CPNE8: variants seen among roughly 807,000 people sequenced by gnomAD.
The protein encoded by CPNE8 is copine-8.
Under a neutral mutation model 81.5 loss-of-function variants are expected in CPNE8, and 45 were observed. The ratio of observed to expected loss-of-function variants is 0.55; its 90% CI spans 0.44 to 0.71. CPNE8 has a LOEUF of 0.71. CPNE8 is among the 30% of genes least tolerant of loss of function. The pLI is 0.00. For synonymous variants in CPNE8, 252 were observed against 226.3 expected, an observed-to-expected ratio of 1.11 and a Z score of -1.02; for missense variants, 594 against 672.1, an observed-to-expected ratio of 0.88 and a Z score of 1.28.
intron 4 of CPNE8, among the ~76,000 whole-genome samples, chr12:38,843,873 G>A (rs1330490201): frequency 1.3e-5 from 2 of 151,992 alleles, no homozygotes; most frequent in Admixed American, 1.3e-4. Flanking sequence ...CCAGCTGAAG[G>A]GAGTGCAAGG....
At chr12:38,668,822 G>T (rs1310045820) in intron 19 of CPNE8, among the ~76,000 whole-genome samples, 1 of 152,034 alleles carries the variant, frequency 6.6e-6, no homozygotes, top group African/African-American at 2.4e-5. Context: ...GGCCGAGGCG[G>T]GCGGATCACA....
chr12:38,879,193 G>A (rs1944112331), intron 1 of CPNE8, among the ~76,000 whole-genome samples: 1 of 150,112 alleles, frequency 6.7e-6, no homozygotes, highest in Non-Finnish European at 1.5e-5. Context: ...TGGAGCCATA[G>A]TTTGCCCCAT....
intron 19 of CPNE8, among the ~76,000 whole-genome samples, chr12:38,655,605 TAA>T (rs752966232): frequency 6.6e-5 from 10 of 152,132 alleles, no homozygotes; most frequent in Admixed American, 3.3e-4. Flanking sequence ...AAAAATAAAA[TAA>T]GTTTGTTTTT....
At chr12:38,898,849 GT>G (rs1255625644) in intron 1 of CPNE8, among the ~76,000 whole-genome samples, 1 of 152,194 alleles carries the variant, frequency 6.6e-6, no homozygotes, top group Non-Finnish European at 1.5e-5. Context: ...CAGATGGTCA[GT>G]TAATCACTAA....
At chr12:38,738,693 T>C (rs1021258) in intron 10 of CPNE8, among the ~76,000 whole-genome samples, 122,633 of 152,096 alleles carry the variant, frequency 0.81, 52,414 homozygotes, top group Middle Eastern at 0.97. Context: ...GGTACACATT[T>C]TAATATTAAC....
At chr12:38,718,774 A>T (rs182863028) in intron 13 of CPNE8, among the ~76,000 whole-genome samples, 63 of 152,344 alleles carry the variant, frequency 4.1e-4, no homozygotes, top group Non-Finnish European at 2.9e-5. Flanking sequence ...ATGTATTTAC[A>T]TTGCAGCTTT....
At chr12:38,658,346 GA>G (rs988951439) in intron 19 of CPNE8, among the ~76,000 whole-genome samples, 1 of 151,544 alleles carries the variant, frequency 6.6e-6, no homozygotes, top group Non-Finnish European at 1.5e-5. Flanking sequence ...GACAAGATTA[GA>G]AAAAAAAGAG....
At chr12:38,860,974 G>C (rs983147791) in intron 3 of CPNE8, among the ~76,000 whole-genome samples, 1 of 152,086 alleles carries the variant, frequency 6.6e-6, no homozygotes, top group Admixed American at 6.5e-5. Flanking sequence ...TTAAAAATTT[G>C]CTAAAAGTGT....
intron 14 of CPNE8, among the ~76,000 whole-genome samples, chr12:38,695,821 C>G (rs1334813435): frequency 6.6e-6 from 1 of 152,068 alleles, no homozygotes; most frequent in African/African-American, 2.4e-5. Context: ...TGCCTGTAGT[C>G]TCAGCTGCTC....
At chr12:38,815,953 G>A (rs774888306) in intron 6 of CPNE8, among the ~76,000 whole-genome samples, 1 of 152,042 alleles carries the variant, frequency 6.6e-6, no homozygotes, top group African/African-American at 2.4e-5. Flanking sequence ...CATATTCCTA[G>A]CTCTTACATA....
At chr12:38,879,308 C>T (rs1359885305) in intron 1 of CPNE8, among the ~76,000 whole-genome samples, 4 of 151,600 alleles carry the variant, frequency 2.6e-5, no homozygotes, top group East Asian at 1.9e-4. Context: ...TACAGAGAGT[C>T]TCTGTTTCCC....
intron 13 of CPNE8, among the ~76,000 whole-genome samples, chr12:38,703,828 T>C (rs1940017530): frequency 6.6e-6 from 1 of 151,978 alleles, no homozygotes; most frequent in African/African-American, 2.4e-5. Context: ...AAATGAAGAA[T>C]GCAATCCCAT....
chr12:38,665,061 C>T (rs1490987989), intron 19 of CPNE8, among the ~76,000 whole-genome samples: 1 of 152,132 alleles, frequency 6.6e-6, no homozygotes. Flanking sequence ...AGACAAGTGA[C>T]TTCAGAAATT....
intron 15 of CPNE8, among the ~76,000 whole-genome samples, chr12:38,686,508 G>A (rs902517995): frequency 1.3e-5 from 2 of 152,166 alleles, no homozygotes; most frequent in Non-Finnish European, 2.9e-5. Flanking sequence ...CCATGTATTA[G>A]TTATCTATTG....
chr12:38,887,920 G>C (rs1407341300), intron 1 of CPNE8, among the ~76,000 whole-genome samples: 2 of 152,096 alleles, frequency 1.3e-5, no homozygotes, highest in African/African-American at 2.4e-5. Flanking sequence ...CCACATTTCA[G>C]CTCACTTGCT....
chr12:38,691,345 G>A (rs1939672072), intron 15 of CPNE8, among the ~76,000 whole-genome samples: 1 of 152,080 alleles, frequency 6.6e-6, no homozygotes, highest in Non-Finnish European at 1.5e-5. Flanking sequence ...CTAGAGCAGT[G>A]CAATGTGTCA....
intron 6 of CPNE8, among the ~76,000 whole-genome samples, chr12:38,784,484 C>A (rs373287046): frequency 8.5e-5 from 13 of 152,196 alleles, no homozygotes; most frequent in African/African-American, 2.9e-4. Flanking sequence ...GAGAACTTCC[C>A]AGACCTAGAG....
At chr12:38,862,722 G>C (rs977379246) in intron 3 of CPNE8, among the ~76,000 whole-genome samples, 1 of 152,194 alleles carries the variant, frequency 6.6e-6, no homozygotes, top group African/African-American at 2.4e-5. Context: ...GCCGAGGCAG[G>C]TGGTTCACTT....
intron 19 of CPNE8, among the ~76,000 whole-genome samples, chr12:38,663,933 G>A (rs1364193745): frequency 6.6e-6 from 1 of 152,058 alleles, no homozygotes; most frequent in South Asian, 2.1e-4. Context: ...TGATCTCATA[G>A]AAATAGAGAG....
Sources: allele counts gnomAD v4.1 joint callset (sites outside exome capture counted in the v4.1 genomes callset), GRCh38; gene constraint gnomAD v4.1.1; transcripts MANE v1.5; gene names NCBI Gene and HGNC (gene_info 2026-07-23, HGNC 2026-07-21).